Variants in KCNK2 observed in about 807,000 individuals in gnomAD.
KCNK2 encodes potassium channel subfamily K member 2.
A neutral mutation model predicts 40.5 loss-of-function variants in KCNK2; 21 were observed. The observed-to-expected ratio is 0.52, with a 90% CI of 0.37 to 0.75. KCNK2 has a LOEUF of 0.75. KCNK2 is among the 30% of genes least tolerant of loss of function. The pLI is 0.00. For missense variants in KCNK2, 399 were observed against 531.6 expected (o/e 0.75, Z 2.45); for synonymous variants, 191 against 202.2 (o/e 0.94, Z 0.47).
intron 1 of KCNK2, among the ~76,000 whole-genome samples, chr1:215,019,684 AC>A (rs1656721866): frequency 6.6e-6 from 1 of 152,198 alleles, no homozygotes; most frequent in African/African-American, 2.4e-5. Flanking sequence ...ATTGCCACAT[AC>A]AATCCTTTCT....
intron 5 of KCNK2, among the ~76,000 whole-genome samples, chr1:215,181,853 G>T (rs567288696): frequency 6.6e-6 from 1 of 152,300 alleles, no homozygotes; most frequent in East Asian, 1.9e-4. Context: ...CTCTGCTCAG[G>T]CCAGGGGAGG....
At chr1:215,205,089 C>G (rs1024275808) in intron 6 of KCNK2, among the ~76,000 whole-genome samples, 24 of 152,176 alleles carry the variant, frequency 1.6e-4, no homozygotes, top group African/African-American at 5.8e-4. Flanking sequence ...AGCAAAAGTG[C>G]TAGTCATTAG....
chr1:215,148,794 A>G (rs1352957387), intron 3 of KCNK2, among the ~76,000 whole-genome samples: 1 of 152,182 alleles, frequency 6.6e-6, no homozygotes, highest in African/African-American at 2.4e-5. Flanking sequence ...TTGAAAGGGT[A>G]AGGAATGACT....
Position 215,025,757 on chromosome 1 carries a change from G to A in KCNK2, c.34+19802G>A, listed in dbSNP as rs368938839. On this transcript the variant is annotated intron_variant, in intron 1 of 6. Transcript: ENST00000391895. ...ATAATATTCTGTGCTGTGGATTACCGTGGTTTATTCCTTTGTGTACATATT... is the reference window on the plus strand; with the variant it reads ...ATAATATTCTGTGCTGTGGATTACCATGGTTTATTCCTTTGTGTACATATT... Among the ~76,000 whole-genome samples the A allele has an allele frequency of 1.0e-3, 153 of 152,094 alleles. 5 individuals carry two copies. The South Asian group carries it at 0.03, about 30-fold the overall frequency.
intron 1 of KCNK2, among the ~76,000 whole-genome samples, chr1:215,051,101 G>T (rs1342628455): frequency 6.6e-6 from 1 of 152,130 alleles, no homozygotes; most frequent in African/African-American, 2.4e-5. Context: ...ACAGGGCCTT[G>T]TTGCCCATGC....
chr1:215,149,043 T>C (rs145286764), intron 3 of KCNK2, among the ~76,000 whole-genome samples: 1 of 152,286 alleles, frequency 6.6e-6, no homozygotes, highest in East Asian at 1.9e-4. Context: ...TGAACGATTT[T>C]GGAACACTTA....
intron 4 of KCNK2, 77 bp from the exon 5 acceptor site, chr1:215,171,914 CTCTTTG>C (rs1663726245): frequency 2.2e-6 from 2 of 898,862 alleles, no homozygotes; most frequent in Non-Finnish European, 3.1e-6. Flanking sequence ...CTCTCTCTCT[CTCTTTG>C]TCTCTCTCTC....
chr1:215,092,690 A>G (rs948995461), intron 2 of KCNK2, among the ~76,000 whole-genome samples: 2 of 152,122 alleles, frequency 1.3e-5, no homozygotes, highest in Non-Finnish European at 2.9e-5. Context: ...TGGGCTTCTT[A>G]TATCTTGCTG....
At chr1:215,046,524 A>G (rs1657777217) in intron 1 of KCNK2, among the ~76,000 whole-genome samples, 1 of 152,092 alleles carries the variant, frequency 6.6e-6, no homozygotes, top group African/African-American at 2.4e-5. Context: ...TTGAAAGCTC[A>G]CAGGCCAAAA....
intron 1 of KCNK2, among the ~76,000 whole-genome samples, chr1:215,067,866 C>A (rs377075885): frequency 2.3e-4 from 34 of 150,212 alleles, no homozygotes; most frequent in African/African-American, 7.1e-4. Flanking sequence ...GACTCCATCT[C>A]AAAAAAAAAT....
intron 6 of KCNK2, among the ~76,000 whole-genome samples, chr1:215,214,736 G>A (rs1665887896): frequency 6.6e-6 from 1 of 152,146 alleles, no homozygotes; most frequent in African/African-American, 2.4e-5. Flanking sequence ...TGAGGTGGGA[G>A]GATGGCTTGA....
In KCNK2 at chr1:215,083,351, C is replaced by T; in HGVS notation, c.-35C>T. ...TTGTAAAAAAAAGCTTCAAGTCCGT[C>T]TTTTTCAAAAAACATTTTGAATGCT... On this transcript the variant is annotated 5_prime_UTR_variant, in exon 1 of 7. Transcript: ENST00000444842. 1 of 1,614,134 alleles carries T rather than the reference C, an allele frequency of 6.2e-7. No homozygotes were observed.
At chr1:215,134,587 G>T (rs12127214) in intron 3 of KCNK2, among the ~76,000 whole-genome samples, 1 of 152,144 alleles carries the variant, frequency 6.6e-6, no homozygotes, top group Admixed American at 6.5e-5. Flanking sequence ...TTGATTATCA[G>T]TCTCCAGTTC....
At chr1:215,058,696 C>T (rs569696443) in intron 1 of KCNK2, among the ~76,000 whole-genome samples, 8 of 152,120 alleles carry the variant, frequency 5.3e-5, no homozygotes, top group African/African-American at 1.9e-4. Context: ...TACATAATCG[C>T]CCCCCTGACC....
At chr1:215,208,571 A>T (rs1253638963) in intron 6 of KCNK2, among the ~76,000 whole-genome samples, 1 of 152,156 alleles carries the variant, frequency 6.6e-6, no homozygotes, top group African/African-American at 2.4e-5. Flanking sequence ...TTTGTTCATA[A>T]CCACTCTAGT....
chr1:215,134,055 G>A (rs1228496569), intron 3 of KCNK2, among the ~76,000 whole-genome samples: 1 of 151,846 alleles, frequency 6.6e-6, no homozygotes, highest in Admixed American at 6.6e-5. Flanking sequence ...AACAAAGAGT[G>A]AAATTGCCAA....
At chr1:215,082,348 T>C (rs1659193054), upstream of KCNK2, among the ~76,000 whole-genome samples, 1 of 152,040 alleles carries the variant, frequency 6.6e-6, no homozygotes. Flanking sequence ...TGTACAGGTC[T>C]GGGGGGCCAC....
intron 6 of KCNK2, among the ~76,000 whole-genome samples, chr1:215,199,810 A>G (rs17024410): frequency 0.085 from 12,942 of 152,198 alleles, 867 homozygotes; most frequent in African/African-American, 0.19. Context: ...CAGAAGGTAA[A>G]ATCTGTGCTT....
chr1:215,148,684 C>T (rs751432288), intron 3 of KCNK2, among the ~76,000 whole-genome samples: 3 of 152,102 alleles, frequency 2.0e-5, no homozygotes, highest in Non-Finnish European at 4.4e-5. Context: ...AGAGACAAAG[C>T]CTGTAACCGA....
Sources: allele counts gnomAD v4.1 joint callset (sites outside exome capture counted in the v4.1 genomes callset), GRCh38; gene constraint gnomAD v4.1.1; transcripts MANE v1.5; gene names NCBI Gene and HGNC (gene_info 2026-07-23, HGNC 2026-07-21).